The following ATP8B1 variants were observed in gnomAD, a reference collection of about 807,000 sequenced individuals.
ATP8B1 encodes the protein phospholipid-transporting ATPase IC.
Under a neutral mutation model 149.9 loss-of-function variants are expected in ATP8B1, and 80 were observed. That is an observed-to-expected ratio of 0.53 (90% CI 0.45 to 0.64). The LOEUF is 0.64. ATP8B1 is among the 30% of genes least tolerant of loss of function. ATP8B1 has a pLI of 0.00. For synonymous variants in ATP8B1, 536 were observed against 562.8 expected (o/e 0.95, Z 0.67); for missense variants, 1,247 against 1,552.6 (o/e 0.80, Z 3.31).
At chr18:57,701,433 C>A in intron 4 of ATP8B1, 120 bp from the exon 5 acceptor site, 1 of 872,472 alleles carries the variant, frequency 1.1e-6, no homozygotes, top group Non-Finnish European at 1.9e-6. Context: ...CATAAGTCTA[C>A]ATCCTGCAGA....
intron 1 of ATP8B1, among the ~76,000 whole-genome samples, chr18:57,753,059 T>C (rs2080037857): frequency 6.6e-6 from 1 of 152,194 alleles, no homozygotes; most frequent in African/African-American, 2.4e-5. Flanking sequence ...AGACATTCTA[T>C]ATTTTCTAGA....
chr18:57,709,174 C>T (rs1037360924), intron 2 of ATP8B1, among the ~76,000 whole-genome samples: 2 of 152,162 alleles, frequency 1.3e-5, no homozygotes, highest in African/African-American at 4.8e-5. Context: ...TTGATGTCTA[C>T]TCTTTATTCA....
Position 57,648,501 on chromosome 18 carries a change from G to A in ATP8B1, c.3743C>T (p.Thr1248Ile). ...GGGGGTAAGGGATCAGCTGTCCCCG[G>A]TGCGCCTGTACTCCGCGGTGCCATC... Reference protein sequence around the residue: ...VADGTAEYRRTGDS With the variant: ...VADGTAEYRRIGDS Residue 1248 changes from threonine (T) to isoleucine (I), a missense_variant, in exon 28 of 28, where the codon ACC (threonine) becomes ATC (isoleucine). By Grantham distance (89) the Thr-to-Ile change is moderately conservative. Transcript: ENST00000648908. 1 of 1,611,274 alleles carries A rather than the reference G, an allele frequency of 6.2e-7. No individual in the cohort carries two copies. Among genetic ancestry groups the A allele is most frequent in the Non-Finnish European group, 8.5e-7 (1 of 1,179,986 alleles).
At chr18:57,782,999 G>A (rs577165165) in intron 1 of ATP8B1, among the ~76,000 whole-genome samples, 128 of 151,866 alleles carry the variant, frequency 8.4e-4, no homozygotes, top group African/African-American at 2.7e-3. Flanking sequence ...TTTTAGTAGC[G>A]ACAGGGTTTC....
chr18:57,667,194 T>C, intron 19 of ATP8B1, 27 bp from the exon 20 acceptor site: 1 of 1,537,910 alleles, frequency 6.5e-7, no homozygotes, highest in Non-Finnish European at 9.0e-7. Context: ...TTAAGTCAAA[T>C]GTCATTCCTG....
At position 57,656,387 on chromosome 18, in the gene ATP8B1, C is replaced by CT. The variant is rs11289944; in HGVS notation, c.2708-971dup. ...GAAATAGTTATATTTCTTTCTCTCT[C>CT]TTTTTTTTTTTTTTTTGAGATGAAG... On this transcript the variant is annotated intron_variant, in intron 22 of 27. Coordinates refer to ENST00000648908, the MANE Select transcript of ATP8B1 (RefSeq NM_001374385.1). Among the ~76,000 whole-genome samples, 1,235 of 137,174 alleles carry CT rather than the reference C, an allele frequency of 9.0e-3. 16 individuals are homozygous for CT. Among genetic ancestry groups the CT allele is most frequent in the African/African-American group, 0.02 (757 of 37,466 alleles). 90.0% of individuals were successfully genotyped at this position (137,174 alleles called of 152,430 possible). A position where few individuals can be genotyped will look rare whatever the true frequency, so the allele number is the denominator to read the frequency against.
chr18:57,754,421 G>C (rs188230075), intron 1 of ATP8B1, among the ~76,000 whole-genome samples: 1 of 140,640 alleles, frequency 7.1e-6, no homozygotes, highest in African/African-American at 2.8e-5. Context: ...TTGGGTGACA[G>C]AGTGAGACTC....
chr18:57,683,043 G>A (rs1912059853), intron 15 of ATP8B1, among the ~76,000 whole-genome samples: 1 of 152,020 alleles, frequency 6.6e-6, no homozygotes. Flanking sequence ...TGCTCAGGCT[G>A]GTCTTGAACT....
In ATP8B1 at chr18:57,695,163, G is replaced by A. The variant is rs755072706; in HGVS notation, c.940+8C>T. 2 of 1,608,284 alleles carry A rather than the reference G, an allele frequency of 1.2e-6. No individual in the cohort carries two copies. Among genetic ancestry groups the A allele is most frequent in the Non-Finnish European group, 1.7e-6 (2 of 1,176,766 alleles). ...GCTGATTAATTTCCCAAGAAACTCT[G>A]AACGTACCTGCAAAAATGACTAAGC... On this transcript the variant is annotated splice_region_variant and intron_variant, in intron 10 of 27. Transcript: ENST00000648908.
chr18:57,711,284 C>G (rs1490495018), intron 2 of ATP8B1, among the ~76,000 whole-genome samples: 1 of 152,084 alleles, frequency 6.6e-6, no homozygotes, highest in Non-Finnish European at 1.5e-5. Context: ...CAGTTAAACA[C>G]GATTACAATG....
intron 1 of ATP8B1, among the ~76,000 whole-genome samples, chr18:57,758,118 C>T (rs75454000): frequency 0.034 from 5,244 of 152,144 alleles, 306 homozygotes; most frequent in African/African-American, 0.12. Context: ...CTCAGTCTCC[C>T]GAAGTGCTGA....
At chr18:57,660,223 C>A (rs1404728609) in intron 22 of ATP8B1, among the ~76,000 whole-genome samples, 2 of 152,174 alleles carry the variant, frequency 1.3e-5, no homozygotes, top group South Asian at 4.1e-4. Flanking sequence ...TTCTGCATGG[C>A]AGGACTCAAT....
At chr18:57,693,955 G>A (rs976322417) in intron 11 of ATP8B1, among the ~76,000 whole-genome samples, 31 of 152,164 alleles carry the variant, frequency 2.0e-4, no homozygotes, top group African/African-American at 3.4e-4. Context: ...GGGGCAGGAC[G>A]GCCGACTTTT....
At chr18:57,779,353 A>G (rs964451566) in intron 1 of ATP8B1, among the ~76,000 whole-genome samples, 6 of 152,116 alleles carry the variant, frequency 3.9e-5, no homozygotes, top group African/African-American at 1.4e-4. Flanking sequence ...GAAGGAGAAG[A>G]AGAAAGAAGT....
intron 3 of ATP8B1, among the ~76,000 whole-genome samples, chr18:57,705,770 GT>G (rs1337393759): frequency 6.6e-6 from 1 of 152,176 alleles, no homozygotes. Context: ...AACTTCTGTT[GT>G]TTTAAGCCAT....
At chr18:57,697,525 A>AT in intron 8 of ATP8B1, 93 bp downstream of exon 8, 1 of 1,357,184 alleles carries the variant, frequency 7.4e-7, no homozygotes, top group Non-Finnish European at 1.1e-6. Flanking sequence ...AAGGCCAGAT[A>AT]TCAAGCCGTC....
intron 21 of ATP8B1, among the ~76,000 whole-genome samples, chr18:57,661,784 G>A (rs1417374748): frequency 2.1e-5 from 3 of 144,916 alleles, no homozygotes; most frequent in Non-Finnish European, 4.5e-5. Context: ...GCACGATCTC[G>A]GCTCACTGTA....
intron 1 of ATP8B1, among the ~76,000 whole-genome samples, chr18:57,745,433 G>T (rs1048222516): frequency 6.6e-6 from 1 of 152,010 alleles, no homozygotes; most frequent in African/African-American, 2.4e-5. Context: ...CACCATGCTC[G>T]AGTAATTTTT....
chr18:57,706,524 G>A lies in ATP8B1; in HGVS notation c.245C>T (p.Thr82Ile), dbSNP rs548735781. 1.9e-6 allele frequency: 3 copies of A among 1,613,878 alleles called. No individual in the cohort carries two copies. The highest frequency in any genetic ancestry group is 1.7e-6 in the Non-Finnish European group (2 of 1,179,958). Reference protein sequence around the residue: ...KYHEQPHFMNTKFLCIKESKY... With the variant: ...KYHEQPHFMNIKFLCIKESKY... ...ACTCTCCTTAATACACAAGAATTTT[G>A]TGTTCATAAAGTGAGGTTGTTCGTG... is the stretch of plus-strand genomic sequence containing the variant. Residue 82 changes from threonine (T) to isoleucine (I), a missense_variant, in exon 3 of 28, where the codon ACA becomes ATA. Thr to Ile is a moderately conservative substitution (Grantham distance 89, BLOSUM62 -1). Around this residue, in one of 3 missense-constraint regions of ATP8B1, gnomAD observed 853 missense variants for 1,035.7 expected, o/e 0.82. Coordinates refer to ENST00000648908, the MANE Select transcript of ATP8B1 (RefSeq NM_001374385.1).
Sources: gnomAD v4.1 joint callset for allele counts (sites outside exome capture counted in the v4.1 genomes callset) on GRCh38, gnomAD v4.1.1 for gene constraint, gnomAD v4.1.1 regional missense constraint, MANE v1.5 for transcripts, NCBI Gene and HGNC (gene_info 2026-07-23, HGNC 2026-07-21) for gene names.